The following DIS3L variants were observed in gnomAD, a reference collection of about 807,000 sequenced individuals.
DIS3L encodes DIS3-like exonuclease 1.
In DIS3L, 100 loss-of-function variants were observed where a neutral mutation model predicts 120.3. The observed-to-expected ratio is 0.83, with a 90% CI of 0.71 to 0.98. The LOEUF is 0.98. Ranked by LOEUF, DIS3L falls within the 50% of genes least tolerant of loss-of-function variation. DIS3L has a pLI of 0.00. For missense variants in DIS3L, 1,196 were observed against 1,314.2 expected (o/e 0.91, Z 1.39); for synonymous variants, 426 against 470.6 (o/e 0.91, Z 1.23).
At chr15:66,304,039 G>A (rs986988352) in intron 2 of DIS3L, among the ~76,000 whole-genome samples, 2 of 138,278 alleles carry the variant, frequency 1.4e-5, no homozygotes, top group African/African-American at 2.7e-5. Context: ...GCAGTGAGCC[G>A]AGATTGTGCC....
At chr15:66,313,801 G>A (rs900940872) in intron 5 of DIS3L, among the ~76,000 whole-genome samples, 1 of 142,702 alleles carries the variant, frequency 7.0e-6, no homozygotes, top group African/African-American at 2.5e-5. Context: ...ATATATATAT[G>A]TGTGTGTGTG....
At position 66,328,991 on chromosome 15, in the gene DIS3L, T is replaced by G. The variant is rs1382879508; in HGVS notation, c.2223T>G (p.Asp741Glu). The G allele has an allele frequency of 6.2e-7, 1 of 1,612,536 alleles. No homozygotes were observed. Among genetic ancestry groups the G allele is most frequent in the East Asian group, 2.2e-5 (1 of 44,888 alleles). The change falls in exon 13 of 17, where the codon GAT becomes GAG. Residue 741 changes from aspartate (D) to glutamate (E), a missense_variant. Physicochemically the swap from Asp to Glu is conservative, Grantham distance 45. Coordinates refer to ENST00000319212, the MANE Select transcript of DIS3L (RefSeq NM_001143688.3). ...IDTRSNKTLA[D>E]SLDNANDPHD... The stretch of plus-strand genomic sequence containing the variant: ...TCAGGTCCAATAAAACACTGGCTGA[T>G]TCTCTGGATAATGCGAACGACCCCC...
At chr15:66,327,033 G>A (rs909128568) in intron 12 of DIS3L, among the ~76,000 whole-genome samples, 15 of 151,526 alleles carry the variant, frequency 9.9e-5, no homozygotes, top group Non-Finnish European at 1.9e-4. Context: ...AGGTTCAAGC[G>A]ATTCTCTTGA....
Position 66,332,892 on chromosome 15 carries a change from T to C in DIS3L, c.2838T>C (p.His946=), listed in dbSNP as rs779445851. Residue 946 remains histidine, a synonymous_variant, in exon 16 of 17, where the codon CAT becomes CAC. Coordinates refer to ENST00000319212, the MANE Select transcript of DIS3L (RefSeq NM_001143688.3). The part of the protein sequence containing the change: ...TTTDGESVTF[H]LFDHVTVRIS... Reference sequence around the variant, plus strand: ...CAGATGGGGAATCTGTTACGTTCCATTTGTTTGACCATGTAACCGTAAGTC... The same window carrying C: ...CAGATGGGGAATCTGTTACGTTCCACTTGTTTGACCATGTAACCGTAAGTC... The C allele has an allele frequency of 5.6e-6, 9 of 1,611,622 alleles. No individual in the cohort carries two copies. Among genetic ancestry groups the C allele is most frequent in the Non-Finnish European group, 7.6e-6 (9 of 1,179,050 alleles).
chr15:66,320,715 C>T lies in DIS3L; in HGVS notation c.1309C>T (p.Pro437Ser). ...ILVENSISVIPFSEAQMCEMP... is the reference protein window; with the variant it reads ...ILVENSISVISFSEAQMCEMP... ...GGTGGAAAACAGTATTTCAGTTATT[C>T]CTTTCTCAGAAGCTCAGGTCAGATT... Residue 437 changes from proline to serine, a missense_variant, in exon 9 of 17, where the codon CCT (proline) becomes TCT (serine). Physicochemically the swap from Pro to Ser is moderately conservative, Grantham distance 74. Coordinates refer to ENST00000319212, the MANE Select transcript of DIS3L (RefSeq NM_001143688.3). 1.2e-6 allele frequency: 2 copies of T among 1,613,406 alleles called. No individual in the cohort carries two copies. Among genetic ancestry groups the T allele is most frequent in the Non-Finnish European group, 8.5e-7 (1 of 1,179,762 alleles).
rs1010984043 is a variant in DIS3L, at chr15:66,333,471, C to T, written c.*159C>T. ...CTCAGCCGGGCACGGTGGCTCACGC[C>T]TGTAACCCCAGCACTTTGGGAGGCT... is the stretch of plus-strand genomic sequence containing the variant. On this transcript the variant is annotated 3_prime_UTR_variant, in exon 17 of 17. Coordinates refer to ENST00000319212, the MANE Select transcript of DIS3L (RefSeq NM_001143688.3). 8.2e-6 allele frequency: 6 copies of T among 735,914 alleles called. No homozygotes were observed. The African/African-American group carries it at 9.0e-5, about 11-fold the overall frequency. 45.6% of individuals were successfully genotyped at this position (735,914 alleles called of 1,614,324 possible).
At chr15:66,323,046 C>A (rs1425367427) in intron 10 of DIS3L, 112 bp downstream of exon 10, 9 of 1,384,556 alleles carry the variant, frequency 6.5e-6, no homozygotes, top group East Asian at 2.4e-5. Flanking sequence ...TTGAAGGTCC[C>A]TTCCAGAAAA....
intron 7 of DIS3L, among the ~76,000 whole-genome samples, chr15:66,318,245 A>T (rs2092841433): frequency 6.6e-6 from 1 of 152,112 alleles, no homozygotes; most frequent in African/African-American, 2.4e-5. Context: ...AAGTGCTGGG[A>T]TTACAGGCAT....
chr15:66,296,993 T>C (rs1267776142), intron 2 of DIS3L, among the ~76,000 whole-genome samples: 1 of 152,138 alleles, frequency 6.6e-6, no homozygotes, highest in African/African-American at 2.4e-5. Context: ...AAAAATCCTT[T>C]GGGGGAAATG....
At chr15:66,314,258 G>A (rs1012400798) in intron 6 of DIS3L, 141 bp downstream of exon 6, 14 of 553,880 alleles carry the variant, frequency 2.5e-5, no homozygotes, top group South Asian at 6.3e-5. Flanking sequence ...AGATTGTGGC[G>A]GGGGGTGGTT....
intron 10 of DIS3L, among the ~76,000 whole-genome samples, 168 bp downstream of exon 10, chr15:66,323,102 C>G (rs79176674): frequency 2.0e-5 from 3 of 152,136 alleles, no homozygotes; most frequent in Non-Finnish European, 4.4e-5. Flanking sequence ...AAAACAGTAC[C>G]TTGATCAATT....
chr15:66,315,381 T>C (rs1252178337), intron 7 of DIS3L, among the ~76,000 whole-genome samples, 166 bp downstream of exon 7: 2 of 152,168 alleles, frequency 1.3e-5, no homozygotes, highest in Non-Finnish European at 2.9e-5. Context: ...GTGTATTTAC[T>C]GTGTATAATA....
At chr15:66,304,900 CAA>C (rs796324536) in intron 2 of DIS3L, among the ~76,000 whole-genome samples, 147 of 56,314 alleles carry the variant, frequency 2.6e-3, no homozygotes, top group Middle Eastern at 0.01. Context: ...GACTCCGTCT[CAA>C]AAAAAAAAAA....
Position 66,293,730 on chromosome 15 carries a change from G to A in DIS3L, c.134G>A (p.Ser45Asn), listed in dbSNP as rs2092548913. The A allele has an allele frequency of 7.7e-7, 1 of 1,296,656 alleles. No homozygotes were observed. Among genetic ancestry groups the A allele is most frequent in the Non-Finnish European group, 9.8e-7 (1 of 1,017,594 alleles). 80.3% of individuals were successfully genotyped at this position (1,296,656 alleles called of 1,614,324 possible). Reference sequence around the variant, plus strand: ...CTCTGCCCGCAGCCCGCCGCCTGCAGCCACGGTCAGGGCCGGGGCGGGGGC... The same window carrying A: ...CTCTGCCCGCAGCCCGCCGCCTGCAACCACGGTCAGGGCCGGGGCGGGGGC... ...SPLCPQPAACSHDGKLLSSDV... is the reference protein window; with the variant it reads ...SPLCPQPAACNHDGKLLSSDV... Residue 45 changes from serine (S) to asparagine (N), a missense_variant, in exon 1 of 17, where the codon AGC (serine) becomes AAC (asparagine). Transcript: ENST00000319212.
chr15:66,300,443 C>T (rs557448105), intron 2 of DIS3L, among the ~76,000 whole-genome samples: 15 of 152,172 alleles, frequency 9.9e-5, no homozygotes, highest in Admixed American at 4.6e-4. Context: ...ATTTCTTTTC[C>T]GAGTGATTAA....
At chr15:66,298,943 G>T (rs1232867958) in intron 2 of DIS3L, among the ~76,000 whole-genome samples, 1 of 152,224 alleles carries the variant, frequency 6.6e-6, no homozygotes, top group East Asian at 1.9e-4. Context: ...ACAAACAGAT[G>T]CAGAACTGCA....
rs778480622 is a variant in DIS3L, at chr15:66,332,485, AGTGTGTGTGTGTGTGT to A, written c.2682-236_2682-221del. On this transcript the variant is annotated intron_variant, in intron 15 of 16. Transcript: ENST00000319212. ...AAAAAAAAAAAAAAGTGAAGACTGG[AGTGTGTGTGTGTGTGT>A]GTGTGTGTGTGTGTATATATATACA... Among the ~76,000 whole-genome samples the A allele has an allele frequency of 3.6e-3, 398 of 109,788 alleles. 2 individuals carry two copies. The highest frequency in any genetic ancestry group is 5.9e-3 in the Non-Finnish European group (302 of 51,358). 72.0% of individuals were successfully genotyped at this position (109,788 alleles called of 152,430 possible).
chr15:66,326,770 CAG>C (rs1479326753), intron 12 of DIS3L, among the ~76,000 whole-genome samples: 4 of 151,600 alleles, frequency 2.6e-5, no homozygotes, highest in Admixed American at 2.0e-4. Context: ...TTAGTAGAGA[CAG>C]GGTTTCGCCA....
At chr15:66,306,795 TAG>T (rs750956298) in intron 2 of DIS3L, 27 bp from the exon 3 acceptor site, 3 of 1,612,738 alleles carry the variant, frequency 1.9e-6, no homozygotes, top group Non-Finnish European at 2.5e-6. Context: ...CCTGCTTTGT[TAG>T]AGTTATTTTT....
Sources: allele counts gnomAD v4.1 joint callset (sites outside exome capture counted in the v4.1 genomes callset), GRCh38; gene constraint gnomAD v4.1.1; transcripts MANE v1.5; gene names NCBI Gene and HGNC (gene_info 2026-07-23, HGNC 2026-07-21).